JAKMIP2: variants seen among roughly 807,000 people sequenced by gnomAD.
JAKMIP2 encodes the protein janus kinase and microtubule interacting protein 2, also known as janus kinase and microtubule-interacting protein 2.
In JAKMIP2, 25 loss-of-function variants were observed where a neutral mutation model predicts 115.0. The observed-to-expected ratio is 0.22, with a 90% CI of 0.16 to 0.30. The LOEUF (loss-of-function observed/expected upper bound fraction) is 0.30, where lower values mean the gene tolerates loss of function less well. JAKMIP2 is among the 10% of genes least tolerant of loss of function. The pLI, the probability that JAKMIP2 is intolerant of heterozygous loss-of-function variation, is 1.00. For missense variants in JAKMIP2, 642 were observed against 957.6 expected (o/e 0.67, Z 4.35); for synonymous variants, 334 against 343.6 (o/e 0.97, Z 0.31).
chr5:147,594,756 C>A (rs1656340372), intron 21 of JAKMIP2, among the ~76,000 whole-genome samples: 1 of 152,142 alleles, frequency 6.6e-6, no homozygotes, highest in Non-Finnish European at 1.5e-5. Flanking sequence ...CTGACACCTT[C>A]CACTCCTCAC....
At chr5:147,675,330 T>A (rs1759879989) in intron 1 of JAKMIP2, among the ~76,000 whole-genome samples, 1 of 152,098 alleles carries the variant, frequency 6.6e-6, no homozygotes, top group Non-Finnish European at 1.5e-5. Context: ...TGCCTTAAGG[T>A]GAGCAACTTC....
At chr5:147,730,802 A>G (rs931591997) in intron 1 of JAKMIP2, among the ~76,000 whole-genome samples, 12 of 152,022 alleles carry the variant, frequency 7.9e-5, no homozygotes, top group Non-Finnish European at 1.6e-4. Flanking sequence ...GTTTAGTCAG[A>G]ATTTCCCTTA....
intron 5 of JAKMIP2, among the ~76,000 whole-genome samples, chr5:147,646,607 G>A (rs1490708343): frequency 6.6e-6 from 1 of 151,774 alleles, no homozygotes; most frequent in African/African-American, 2.4e-5. Flanking sequence ...AAAAAAGTGT[G>A]TTTGTGTGTG....
chr5:147,726,116 T>C (rs981649628), intron 1 of JAKMIP2, among the ~76,000 whole-genome samples: 2 of 152,128 alleles, frequency 1.3e-5, no homozygotes, highest in Admixed American at 1.3e-4. Flanking sequence ...TTTCTGTTAC[T>C]CAGGGCGACC....
intron 21 of JAKMIP2, 138 bp from the exon 22 acceptor site, chr5:147,591,824 T>C: frequency 1.7e-6 from 1 of 572,694 alleles, no homozygotes; most frequent in Non-Finnish European, 3.1e-6. Context: ...GCAAGTTACA[T>C]CTCTAAGCTT....
At chr5:147,692,530 A>G (rs1751907073) in intron 1 of JAKMIP2, among the ~76,000 whole-genome samples, 1 of 152,248 alleles carries the variant, frequency 6.6e-6, no homozygotes, top group African/African-American at 2.4e-5. Flanking sequence ...AACATGTATC[A>G]CAGCTTGTGG....
At chr5:147,620,486 T>C (rs1756800340) in intron 18 of JAKMIP2, among the ~76,000 whole-genome samples, 180 bp downstream of exon 18, 1 of 152,176 alleles carries the variant, frequency 6.6e-6, no homozygotes, top group Admixed American at 6.5e-5. Flanking sequence ...ATAAGAATCT[T>C]AGAATAAGTA....
At chr5:147,648,314 T>C in intron 5 of JAKMIP2, 62 bp downstream of exon 5, 1 of 828,182 alleles carries the variant, frequency 1.2e-6, no homozygotes, top group Non-Finnish European at 2.1e-6. Flanking sequence ...TATAACATAG[T>C]ATGTAATTCT....
Position 147,652,699 on chromosome 5 carries a change from A to G in JAKMIP2, c.628-2152T>C, listed in dbSNP as rs1210898724. On this transcript the variant is annotated intron_variant, in intron 3 of 21. Transcript: ENST00000616793. ...CTCAGATTTACTTTTTAAAATTTTA[A>G]TGTTTATTTTACTTTAAGTTCTGGG... is the stretch of plus-strand genomic sequence containing the variant. Among the ~76,000 whole-genome samples the G allele has an allele frequency of 2.0e-5, 3 of 152,114 alleles. No individual in the cohort carries two copies. In the East Asian group the frequency reaches 5.8e-4, roughly 29 times the overall value.
intron 1 of JAKMIP2, among the ~76,000 whole-genome samples, chr5:147,702,195 C>T (rs1384934380): frequency 6.6e-6 from 1 of 151,630 alleles, no homozygotes; most frequent in East Asian, 1.9e-4. Flanking sequence ...TCTGAACCTG[C>T]TAGTGGCTAC....
At chr5:147,714,654 A>C (rs1423005672) in intron 1 of JAKMIP2, among the ~76,000 whole-genome samples, 2 of 152,216 alleles carry the variant, frequency 1.3e-5, no homozygotes, top group African/African-American at 4.8e-5. Flanking sequence ...ATCACAGACA[A>C]CGAGGAAATC....
intron 1 of JAKMIP2, among the ~76,000 whole-genome samples, chr5:147,712,271 C>T (rs957543906): frequency 1.3e-5 from 2 of 151,860 alleles, no homozygotes; most frequent in Non-Finnish European, 2.9e-5. Context: ...TCAAGGTTCA[C>T]ATGGGAGTTC....
chr5:147,723,822 G>A (rs931037383), intron 1 of JAKMIP2, among the ~76,000 whole-genome samples: 2 of 152,108 alleles, frequency 1.3e-5, no homozygotes, highest in African/African-American at 4.8e-5. Context: ...AGCCTAGGGA[G>A]AGTAACCCCA....
At chr5:147,637,394 T>C (rs771333086) in intron 10 of JAKMIP2, among the ~76,000 whole-genome samples, 86 of 151,730 alleles carry the variant, frequency 5.7e-4, no homozygotes, top group Non-Finnish European at 1.0e-3. Context: ...TGATTTCTCT[T>C]TCATGAAAGC....
intron 1 of JAKMIP2, among the ~76,000 whole-genome samples, chr5:147,738,277 C>T (rs902422561): frequency 3.3e-5 from 5 of 152,080 alleles, no homozygotes; most frequent in African/African-American, 1.2e-4. Flanking sequence ...CATCAGAGCC[C>T]CATATAAACT....
At position 147,722,756 on chromosome 5, in the gene JAKMIP2, T is replaced by G. The variant is rs185796941; in HGVS notation, c.-148-50802A>C. Among the ~76,000 whole-genome samples, 45 of 152,336 alleles carry G rather than the reference T, an allele frequency of 3.0e-4. No homozygotes were observed. In the East Asian group the frequency reaches 8.1e-3, roughly 27 times the overall value. ...GGTGTTTTGTTCGATGAAACAAGAC[T>G]ACCTATCATTTACTGTTCTCTTGAT... On this transcript the variant is annotated intron_variant, in intron 1 of 21. Coordinates refer to ENST00000616793, the MANE Select transcript of JAKMIP2 (RefSeq NM_001270941.2).
chr5:147,671,794 C>A lies in JAKMIP2; in HGVS notation c.13G>T (p.Gly5Trp). Residue 5 changes from glycine (G) to tryptophan (W), a missense_variant, in exon 2 of 22, where the codon GGG (glycine) becomes TGG (tryptophan). Physicochemically the swap from Gly to Trp is radical, Grantham distance 184 (BLOSUM62 -2). Transcript: ENST00000616793. ...TCGGGCTTCTCGCCCTTATTTCGCC[C>A]TTTCTTGGACATTGTTCCTTTCTAA... MSKK[G>W]RNKGEKPEAL... 1 of 1,574,818 alleles carries A rather than the reference C, an allele frequency of 6.3e-7. No individual in the cohort carries two copies. The highest frequency in any genetic ancestry group is 8.6e-7 in the Non-Finnish European group (1 of 1,161,582).
chr5:147,659,896 C>T (rs930308271), intron 3 of JAKMIP2, among the ~76,000 whole-genome samples: 1 of 152,140 alleles, frequency 6.6e-6, no homozygotes, highest in Non-Finnish European at 1.5e-5. Context: ...TTTAAAAATG[C>T]TCTATGGTAA....
chr5:147,648,254 T>A, intron 5 of JAKMIP2, 122 bp downstream of exon 5: 1 of 583,082 alleles, frequency 1.7e-6, no homozygotes, highest in Non-Finnish European at 3.0e-6. Context: ...GAATATCTAT[T>A]GAATGGTATC....
Sources: allele counts gnomAD v4.1 joint callset (sites outside exome capture counted in the v4.1 genomes callset), GRCh38; gene constraint gnomAD v4.1.1; transcripts MANE v1.5; gene names NCBI Gene and HGNC (gene_info 2026-07-23, HGNC 2026-07-21).